Variants in KCNK13 observed in about 807,000 individuals in gnomAD.
KCNK13 encodes the protein potassium two pore domain channel subfamily K member 13.
KCNK13 carries 12 observed loss-of-function variants against 23.4 expected under a neutral mutation model. That is an observed-to-expected ratio of 0.51 (90% CI 0.33 to 0.83). The LOEUF (loss-of-function observed/expected upper bound fraction) is 0.83. Among genes scored for constraint, KCNK13 ranks in the 40% least tolerant of loss-of-function variants. The pLI, the probability that KCNK13 is intolerant of heterozygous loss-of-function variation, is 0.02. For missense variants in KCNK13, 463 were observed against 556.3 expected (o/e 0.83, Z 1.69); for synonymous variants, 231 against 229.5 (o/e 1.01, Z -0.06).
intron 1 of KCNK13, among the ~76,000 whole-genome samples, chr14:90,147,422 G>A (rs370878180): frequency 5.5e-4 from 18 of 32,540 alleles, no homozygotes; most frequent in African/African-American, 2.3e-3. Context: ...TTGTTTTTTT[G>A]GTTGGGATAG....
intron 1 of KCNK13, among the ~76,000 whole-genome samples, chr14:90,153,466 C>G (rs777796483): frequency 3.9e-5 from 6 of 152,146 alleles, no homozygotes; most frequent in African/African-American, 1.2e-4. Flanking sequence ...GCCTGGAACC[C>G]GGTACATGCT....
intron 1 of KCNK13, among the ~76,000 whole-genome samples, chr14:90,092,822 G>A (rs909885058): frequency 6.7e-6 from 1 of 149,384 alleles, no homozygotes; most frequent in Non-Finnish European, 1.5e-5. Flanking sequence ...TGAAGTGGGA[G>A]GTTTGCTTGA....
Position 90,062,704 on chromosome 14 carries a change from C to G in KCNK13, c.334+165C>G, listed in dbSNP as rs1300063311. On this transcript the variant is annotated intron_variant, in intron 1 of 1. Coordinates refer to ENST00000282146, the MANE Select transcript of KCNK13 (RefSeq NM_022054.4). The surrounding 1 kb of genome is among the most constrained non-coding windows in gnomAD (Gnocchi z 4.5). ...AACAGGTGGTATTGCCTCCCCGCTG[C>G]TCTAATGTGGTCCAGGCACCGGCAG... Among the ~76,000 whole-genome samples, 1 of 152,190 alleles carries G rather than the reference C, an allele frequency of 6.6e-6. No homozygotes were observed. The highest frequency in any genetic ancestry group is 2.1e-4 in the South Asian group (1 of 4,822).
intron 1 of KCNK13, among the ~76,000 whole-genome samples, chr14:90,086,767 C>G (rs1322319529): frequency 1.3e-5 from 2 of 152,210 alleles, no homozygotes; most frequent in Admixed American, 1.3e-4. Flanking sequence ...TTATTGAGTT[C>G]TTACTATTGG....
chr14:90,065,011 AAAAT>A (rs1019433076), intron 1 of KCNK13, among the ~76,000 whole-genome samples: 5 of 152,216 alleles, frequency 3.3e-5, no homozygotes, highest in African/African-American at 1.2e-4. Context: ...GGTTTTTTGT[AAAAT>A]AAAGTATAAA....
rs1343329970 is a variant in KCNK13 at position 90,185,011 on chromosome 14, G to A, written c.*8G>A. 1.3e-6 allele frequency: 2 copies of A among 1,568,712 alleles called. No individual in the cohort carries two copies. Among genetic ancestry groups the A allele is most frequent in the African/African-American group, 1.4e-5 (1 of 73,922 alleles). The stretch of plus-strand genomic sequence containing the variant: ...ACCAGTGGGGACAGGTAGAAGCCAG[G>A]AGTGGATGCTGGGCAGAGGCCAGAG... On this transcript the variant is annotated 3_prime_UTR_variant, in exon 2 of 2. Transcript: ENST00000282146.
intron 1 of KCNK13, among the ~76,000 whole-genome samples, chr14:90,148,400 T>A (rs1363144529): frequency 2.6e-5 from 4 of 152,228 alleles, no homozygotes; most frequent in Non-Finnish European, 4.4e-5. Flanking sequence ...TGGCCCATCA[T>A]GGCCCAGAAG....
chr14:90,090,336 C>T (rs1016027013), intron 1 of KCNK13, among the ~76,000 whole-genome samples: 4 of 152,206 alleles, frequency 2.6e-5, no homozygotes, highest in African/African-American at 9.6e-5. Context: ...ATTGGACTGC[C>T]CTGCTGGATT....
rs1318532322 is a variant in KCNK13, at chr14:90,140,999, C to G, written c.335-43112C>G. ...GACCAATTTAAGCTCCTACCCATAG[C>G]GAATGAGAAGGAAGGGCGTCACTCC... is the stretch of plus-strand genomic sequence containing the variant. On this transcript the variant is annotated intron_variant, in intron 1 of 1. Transcript: ENST00000282146. 2.0e-5 allele frequency among the ~76,000 whole-genome samples: 3 copies of G among 152,284 alleles called. No homozygotes were observed. In the East Asian group the frequency reaches 5.8e-4, roughly 29 times the overall value.
At chr14:90,139,465 C>T (rs911026330) in intron 1 of KCNK13, among the ~76,000 whole-genome samples, 90 of 10,880 alleles carry the variant, frequency 8.3e-3, no homozygotes, top group Non-Finnish European at 0.012. Context: ...GGCAAGACTT[C>T]GAGCATGCGG....
At chr14:90,075,879 A>G (rs562940567) in intron 1 of KCNK13, among the ~76,000 whole-genome samples, 5 of 152,152 alleles carry the variant, frequency 3.3e-5, no homozygotes, top group Non-Finnish European at 7.4e-5. Context: ...TTTAAACCCC[A>G]TTGGATCTCC....
intron 1 of KCNK13, among the ~76,000 whole-genome samples, chr14:90,161,638 G>A (rs1261573854): frequency 6.6e-6 from 1 of 152,158 alleles, no homozygotes; most frequent in African/African-American, 2.4e-5. Flanking sequence ...TTCTATAAAT[G>A]GAGAGACACT....
intron 1 of KCNK13, among the ~76,000 whole-genome samples, chr14:90,098,494 C>T (rs1889437210): frequency 6.6e-6 from 1 of 152,068 alleles, no homozygotes; most frequent in Non-Finnish European, 1.5e-5. Context: ...CCTGTAATCC[C>T]AGCACTTTGG....
chr14:90,084,153 T>C (rs1889245520), intron 1 of KCNK13, among the ~76,000 whole-genome samples: 1 of 152,218 alleles, frequency 6.6e-6, no homozygotes, highest in Non-Finnish European at 1.5e-5. Context: ...TTGGCTATTC[T>C]GGGTCCCTTG....
At chr14:90,158,492 G>C (rs1890218982) in intron 1 of KCNK13, among the ~76,000 whole-genome samples, 1 of 152,216 alleles carries the variant, frequency 6.6e-6, no homozygotes, top group South Asian at 2.1e-4. Context: ...CCAAGCACTG[G>C]GGACCAGAAG....
At chr14:90,155,149 T>C (rs1890179705) in intron 1 of KCNK13, among the ~76,000 whole-genome samples, 1 of 151,194 alleles carries the variant, frequency 6.6e-6, no homozygotes, top group African/African-American at 2.4e-5. Flanking sequence ...TTCTTTAGGG[T>C]GGTTGGGGAA....
rs34114368 is a variant in KCNK13 at position 90,157,702 on chromosome 14, CTTT to C, written c.335-26394_335-26392del. Among the ~76,000 whole-genome samples, 10 of 100,342 alleles carry C rather than the reference CTTT, an allele frequency of 1.0e-4. No homozygotes were observed. The South Asian group carries it at 1.1e-3, about 11-fold the overall frequency. The allele number at this position is 100,342 out of a possible 152,430, so 65.8% of individuals were successfully genotyped here. On this transcript the variant is annotated intron_variant, in intron 1 of 1. Transcript: ENST00000282146. ...GGCCACCATACCTGGCTTGGCTTTC[CTTT>C]TTTTTTTTTTTTTTCAGACAGAGTC... is the stretch of plus-strand genomic sequence containing the variant.
At chr14:90,090,130 G>T (rs571607748) in intron 1 of KCNK13, among the ~76,000 whole-genome samples, 12 of 152,330 alleles carry the variant, frequency 7.9e-5, no homozygotes, top group African/African-American at 2.6e-4. Flanking sequence ...ACCCCAGAAT[G>T]GTCAATCCAC....
Position 90,107,129 on chromosome 14 carries a change from C to G in KCNK13, c.334+44590C>G, listed in dbSNP as rs376867787. 5.9e-5 allele frequency among the ~76,000 whole-genome samples: 9 copies of G among 152,236 alleles called. 3 individuals carry two copies. The highest frequency in any genetic ancestry group is 2.1e-4 in the South Asian group (1 of 4,820). On this transcript the variant is annotated intron_variant, in intron 1 of 1. Coordinates refer to ENST00000282146, the MANE Select transcript of KCNK13 (RefSeq NM_022054.4). ...GACACAGGTGCTCTGTACCACACAC[C>G]ACCGCTTTACTGTCCATGATGAGAT...
Sources: gnomAD v4.1 joint callset for allele counts (sites outside exome capture counted in the v4.1 genomes callset) on GRCh38, gnomAD v4.1.1 for gene constraint, Gnocchi (gnomAD v3.1) non-coding constraint, MANE v1.5 for transcripts, NCBI Gene and HGNC (gene_info 2026-07-23, HGNC 2026-07-21) for gene names.